PARP4: variants seen among roughly 807,000 people sequenced by gnomAD.
PARP4 encodes the protein poly(ADP-ribose) polymerase family member 4, also known as protein mono-ADP-ribosyltransferase PARP4.
PARP4 carries 120 observed loss-of-function variants against 187.7 expected under a neutral mutation model. That is an observed-to-expected ratio of 0.64 (90% CI 0.55 to 0.74). The LOEUF (loss-of-function observed/expected upper bound fraction) is 0.74. Ranked by LOEUF, PARP4 falls within the 30% of genes least tolerant of loss-of-function variation. The probability of loss-of-function intolerance (pLI) is 0.00; values close to 1 mark genes in which losing one functional copy is unlikely to be tolerated. For synonymous variants in PARP4, 654 were observed against 740.9 expected (o/e 0.88, Z 1.90); for missense variants, 1,836 against 2,070.5 (o/e 0.89, Z 2.20).
At chr13:24,492,810 A>T (rs549876173) in intron 8 of PARP4, among the ~76,000 whole-genome samples, 12 of 152,362 alleles carry the variant, frequency 7.9e-5, no homozygotes, top group Admixed American at 6.5e-4. Flanking sequence ...CAGTTTTACT[A>T]GAAGAAAGAA....
rs1266134182 is a variant in PARP4 at position 24,456,367 on chromosome 13, C to G, written c.2536G>C (p.Glu846Gln). ...SAAYLPRMWV[E>Q]KHPEKESEAC... is the part of the protein sequence containing the mutation. The stretch of plus-strand genomic sequence containing the variant: ...TCGCTTTCTTTTTCTGGATGTTTTT[C>G]AACCCACATTCTTGGGAGATAGGCA... The change falls in exon 21 of 34, where the codon GAA (glutamate) becomes CAA (glutamine). Residue 846 changes from glutamate to glutamine, a missense_variant. Glu to Gln is a conservative substitution (Grantham distance 29, BLOSUM62 2). Around this residue, in one of 8 missense-constraint regions of PARP4, gnomAD observed 1,147 missense variants for 1,214.2 expected, o/e 0.94. Coordinates refer to ENST00000381989, the MANE Select transcript of PARP4 (RefSeq NM_006437.4). 1 of 1,609,954 alleles carries G rather than the reference C, an allele frequency of 6.2e-7. No individual in the cohort carries two copies. Among genetic ancestry groups the G allele is most frequent in the Admixed American group, 1.7e-5 (1 of 59,946 alleles).
chr13:24,452,837 A>C (rs1421506940), intron 23 of PARP4, among the ~76,000 whole-genome samples: 2 of 152,242 alleles, frequency 1.3e-5, no homozygotes, highest in African/African-American at 4.8e-5. Flanking sequence ...TGACATCTAC[A>C]GGAAGAAATG....
intron 13 of PARP4, 114 bp downstream of exon 13, chr13:24,477,979 A>T (rs1566010537): frequency 9.5e-7 from 1 of 1,051,214 alleles, no homozygotes; most frequent in Non-Finnish European, 1.4e-6. Flanking sequence ...TCATGCAGTA[A>T]ATATATAACA....
chr13:24,468,586 G>A (rs946223018), intron 17 of PARP4, among the ~76,000 whole-genome samples: 3 of 151,952 alleles, frequency 2.0e-5, no homozygotes, highest in African/African-American at 7.3e-5. Flanking sequence ...TGTACTTTTA[G>A]TAAGAGGGGG....
At chr13:24,463,597 T>G (rs9511282) in intron 17 of PARP4, among the ~76,000 whole-genome samples, 1 of 151,988 alleles carries the variant, frequency 6.6e-6, no homozygotes, top group African/African-American at 2.4e-5. Flanking sequence ...AATTCAACAT[T>G]GCTTTATGTT....
At chr13:24,446,937 G>A (rs9805619) in intron 26 of PARP4, 79 bp downstream of exon 26, 27,918 of 1,508,896 alleles carry the variant, frequency 0.019, 1,190 homozygotes, top group African/African-American at 0.18. Flanking sequence ...CTGGTGAGAA[G>A]GGGAGGGAAG....
intron 25 of PARP4, among the ~76,000 whole-genome samples, chr13:24,449,317 GGCAGAGCTT>G (rs1871381375): frequency 6.6e-6 from 1 of 150,944 alleles, no homozygotes; most frequent in South Asian, 2.1e-4. Context: ...GAACCCGGGA[GGCAGAGCTT>G]GCAGTGAGCC....
At chr13:24,432,006 C>T (rs1288332928) in intron 31 of PARP4, among the ~76,000 whole-genome samples, 1 of 152,152 alleles carries the variant, frequency 6.6e-6, no homozygotes, top group Admixed American at 6.5e-5. Flanking sequence ...GGATTACAGG[C>T]GTGAGCCACC....
chr13:24,460,797 T>C (rs74597671), intron 17 of PARP4, among the ~76,000 whole-genome samples: 2,857 of 152,234 alleles, frequency 0.019, 42 homozygotes, highest in Non-Finnish European at 0.03. Context: ...TAAGCCATCC[T>C]CTTAAGTAGA....
intron 30 of PARP4, among the ~76,000 whole-genome samples, chr13:24,439,613 G>A (rs1423581840): frequency 1.3e-5 from 2 of 152,140 alleles, no homozygotes; most frequent in Admixed American, 6.6e-5. Context: ...TTAGTGGCAC[G>A]AGGTACATTC....
chr13:24,424,771 AC>A (rs1869934469), intron 33 of PARP4, among the ~76,000 whole-genome samples: 1 of 146,290 alleles, frequency 6.8e-6, no homozygotes, highest in Non-Finnish European at 1.5e-5. Context: ...TCCCAGGTTC[AC>A]GCCATTCTCC....
chr13:24,512,036 C>T (rs903298143), intron 1 of PARP4, among the ~76,000 whole-genome samples: 1 of 152,202 alleles, frequency 6.6e-6, no homozygotes, highest in Non-Finnish European at 1.5e-5. Context: ...TCCCCTTTAT[C>T]ATAGCACTAT....
chr13:24,494,403 A>T (rs2094363323), intron 7 of PARP4, among the ~76,000 whole-genome samples, 170 bp downstream of exon 7: 1 of 152,196 alleles, frequency 6.6e-6, no homozygotes, highest in African/African-American at 2.4e-5. Context: ...TATGTTGCCA[A>T]GGCTGGTCTT....
chr13:24,447,330 C>T (rs1200016950), intron 25 of PARP4, 144 bp from the exon 26 acceptor site: 16 of 476,028 alleles, frequency 3.4e-5, no homozygotes, highest in Non-Finnish European at 4.6e-5. Flanking sequence ...GGGTACTTTC[C>T]CGAAAATAGT....
At chr13:24,463,816 G>A (rs1293116096) in intron 17 of PARP4, among the ~76,000 whole-genome samples, 2 of 152,092 alleles carry the variant, frequency 1.3e-5, no homozygotes, top group Non-Finnish European at 2.9e-5. Context: ...TCAAGATAAA[G>A]AAATAAAGGT....
At position 24,452,399 on chromosome 13, in the gene PARP4, G is replaced by T; in HGVS notation, c.3014+7C>A. 1 of 1,608,214 alleles carries T rather than the reference G, an allele frequency of 6.2e-7. No individual in the cohort carries two copies. Among genetic ancestry groups the T allele is most frequent in the South Asian group, 1.1e-5 (1 of 90,268 alleles). ...CTGGACTATGTGACCAGCTCTCTGA[G>T]ACTCACCCGATACCGCAGGCGAATA... is the stretch of plus-strand genomic sequence containing the variant. On this transcript the variant is annotated splice_region_variant and intron_variant, in intron 24 of 33. Coordinates refer to ENST00000381989, the MANE Select transcript of PARP4 (RefSeq NM_006437.4).
In PARP4 at chr13:24,462,689, C is replaced by T. The variant is rs182727235; in HGVS notation, c.2134-2553G>A. Among the ~76,000 whole-genome samples, 227 of 152,236 alleles carry T rather than the reference C, an allele frequency of 1.5e-3. 2 individuals carry two copies. The highest frequency in any genetic ancestry group is 2.7e-3 in the Non-Finnish European group (185 of 68,008). On this transcript the variant is annotated intron_variant, in intron 17 of 33. Transcript: ENST00000381989. ...AGGAATACATATGAATAGATGGAAC[C>T]TTTCATTAGAGAGACTGAATTATAT...
intron 3 of PARP4, among the ~76,000 whole-genome samples, chr13:24,501,124 T>C (rs1179858321): frequency 6.6e-6 from 1 of 152,248 alleles, no homozygotes; most frequent in East Asian, 1.9e-4. Context: ...TACTGTGAGT[T>C]AGTATTTATC....
intron 1 of PARP4, among the ~76,000 whole-genome samples, chr13:24,511,443 C>T (rs1870014649): frequency 6.6e-6 from 1 of 152,202 alleles, no homozygotes; most frequent in Non-Finnish European, 1.5e-5. Flanking sequence ...TGTCCCCCTT[C>T]CCAGCTTCTT....
Sources: gnomAD v4.1 joint callset for allele counts (sites outside exome capture counted in the v4.1 genomes callset) on GRCh38, gnomAD v4.1.1 for gene constraint, gnomAD v4.1.1 regional missense constraint, MANE v1.5 for transcripts, NCBI Gene and HGNC (gene_info 2026-07-23, HGNC 2026-07-21) for gene names.